Variants in RINT1 observed in about 807,000 individuals in gnomAD.
RINT1 encodes RAD50-interacting protein 1.
Under a neutral mutation model 97.7 loss-of-function variants are expected in RINT1, and 75 were observed. The observed-to-expected ratio is 0.77, with a 90% CI of 0.64 to 0.93. RINT1 has a LOEUF of 0.93. Ranked by LOEUF, RINT1 falls within the 40% of genes least tolerant of loss-of-function variation. RINT1 has a pLI of 0.00. For missense variants in RINT1, 892 were observed against 925.2 expected (o/e 0.96, Z 0.47); for synonymous variants, 303 against 326.3 (o/e 0.93, Z 0.77).
chr7:105,542,732 A>AT, intron 4 of RINT1, 83 bp downstream of exon 4: 1 of 1,321,420 alleles, frequency 7.6e-7, no homozygotes. Flanking sequence ...CCATTAAATA[A>AT]TTGAGTTAAT....
At chr7:105,543,201 T>A (rs944782541) in intron 4 of RINT1, among the ~76,000 whole-genome samples, 3 of 152,146 alleles carry the variant, frequency 2.0e-5, no homozygotes, top group Non-Finnish European at 4.4e-5. Context: ...AACTTTTAAG[T>A]CTTACAGTTG....
chr7:105,556,812 A>G (rs1435475261), intron 11 of RINT1, among the ~76,000 whole-genome samples: 4 of 152,088 alleles, frequency 2.6e-5, no homozygotes, highest in Non-Finnish European at 4.4e-5. Context: ...GGCTATCAGG[A>G]CTCTTTGGCA....
intron 4 of RINT1, among the ~76,000 whole-genome samples, chr7:105,546,482 G>A (rs571301131): frequency 6.6e-6 from 1 of 152,166 alleles, no homozygotes; most frequent in Non-Finnish European, 1.5e-5. Flanking sequence ...GGCTACCTCA[G>A]GGTGGTGCTT....
intron 3 of RINT1, among the ~76,000 whole-genome samples, chr7:105,538,702 G>A (rs1304040968): frequency 3.9e-5 from 6 of 152,030 alleles, no homozygotes; most frequent in Non-Finnish European, 8.8e-5. Flanking sequence ...TTCCCTAGCA[G>A]AAAAAAATAG....
chr7:105,542,797 A>G (rs1790513998), intron 4 of RINT1, 148 bp downstream of exon 4: 1 of 868,200 alleles, frequency 1.2e-6, no homozygotes, highest in South Asian at 2.9e-5. Flanking sequence ...CATTATGATA[A>G]TGATTCTTTT....
Position 105,548,637 on chromosome 7 carries a change from T to A in RINT1, c.923T>A (p.Val308Asp). 1 of 1,614,110 alleles carries A rather than the reference T, an allele frequency of 6.2e-7. No individual in the cohort carries two copies. The highest frequency in any genetic ancestry group is 1.6e-4 in the Middle Eastern group (1 of 6,062). Residue 308 changes from valine to aspartate, a missense_variant, in exon 7 of 15, where the codon GTT becomes GAT. Transcript: ENST00000257700. ...CCTTCTGTCATCCTGCCCATCCAGG[T>A]TATGCTGACTCCTCTTCAGAAGAGG... Reference protein sequence around the residue: ...ASPSVILPIQVMLTPLQKRFR... With the variant: ...ASPSVILPIQDMLTPLQKRFR...
chr7:105,562,065 C>A (rs1791462425), intron 11 of RINT1, among the ~76,000 whole-genome samples: 2 of 152,224 alleles, frequency 1.3e-5, no homozygotes, highest in African/African-American at 4.8e-5. Flanking sequence ...GTATATACTA[C>A]TAAAGCTATT....
chr7:105,559,132 C>T (rs946233469), intron 11 of RINT1, among the ~76,000 whole-genome samples: 3 of 152,020 alleles, frequency 2.0e-5, no homozygotes, highest in African/African-American at 7.3e-5. Context: ...TGGTGGCTCA[C>T]GCCTGTAATC....
chr7:105,557,651 A>G (rs943523320), intron 11 of RINT1, among the ~76,000 whole-genome samples: 2 of 152,178 alleles, frequency 1.3e-5, no homozygotes, highest in Non-Finnish European at 2.9e-5. Context: ...ACAAAAATTT[A>G]TGGTTACTTC....
chr7:105,555,923 A>G (rs886988354), intron 11 of RINT1, among the ~76,000 whole-genome samples: 2 of 152,188 alleles, frequency 1.3e-5, no homozygotes, highest in Non-Finnish European at 2.9e-5. Flanking sequence ...CCAGAAATTC[A>G]TGACCAGCTG....
chr7:105,541,169 T>A (rs562259057), intron 3 of RINT1, among the ~76,000 whole-genome samples: 1 of 148,876 alleles, frequency 6.7e-6, no homozygotes, highest in East Asian at 2.0e-4. Context: ...TGAGGAGTCT[T>A]GCTCTGTCAC....
chr7:105,546,158 C>A (rs989584398), intron 4 of RINT1, among the ~76,000 whole-genome samples: 5 of 152,166 alleles, frequency 3.3e-5, no homozygotes, highest in Non-Finnish European at 7.3e-5. Context: ...AGTGGGAAAT[C>A]AAGTTCAGCT....
chr7:105,552,215 A>G (rs1034538903), intron 10 of RINT1, among the ~76,000 whole-genome samples: 3 of 152,212 alleles, frequency 2.0e-5, no homozygotes, highest in African/African-American at 7.2e-5. Context: ...ATTGGTATAC[A>G]TGAAGGAAAA....
At chr7:105,565,687 A>G (rs771714444) in intron 14 of RINT1, 39 bp downstream of exon 14, 2 of 1,344,946 alleles carry the variant, frequency 1.5e-6, no homozygotes, top group Admixed American at 1.8e-5. Flanking sequence ...AATGTATCAA[A>G]TTGTTACAGG....
intron 9 of RINT1, 121 bp from the exon 10 acceptor site, chr7:105,551,449 G>A: frequency 2.6e-6 from 2 of 780,320 alleles, no homozygotes; most frequent in Non-Finnish European, 3.9e-6. Context: ...TACAACCAGT[G>A]GGATATTGTA....
rs775261161 is a variant in RINT1, at chr7:105,565,280, G to A, written c.1890G>A (p.Trp630Ter). 6.3e-7 allele frequency: 1 copy of A among 1,582,692 alleles called. No individual in the cohort carries two copies. The highest frequency in any genetic ancestry group is 1.8e-5 in the Admixed American group (1 of 54,282). Residue 630 changes from tryptophan (W) to a stop codon, truncating the protein, a stop_gained, in exon 13 of 15, where the codon TGG becomes TGA. Coordinates refer to ENST00000257700, the MANE Select transcript of RINT1 (RefSeq NM_021930.6). LOFTEE classifies it high-confidence loss of function. ...DAAKLYKKER[W>*]LSLPSQSEQA... ...GGTAAAAATGTGTTTTTTCCAGATG[G>A]TTGTCCTTGCCATCTCAGTCAGAGC...
Position 105,567,110 on chromosome 7 carries a change from C to G in RINT1, c.2187-9C>G, listed in dbSNP as rs1322110121. 6.6e-7 allele frequency: 1 copy of G among 1,512,384 alleles called. No homozygotes were observed. Among genetic ancestry groups the G allele is most frequent in the South Asian group, 1.4e-5 (1 of 73,410 alleles). The allele number at this position is 1,512,384 out of a possible 1,614,324, so 93.7% of individuals were successfully genotyped here. A position where few individuals can be genotyped will look rare whatever the true frequency, so the allele number is the denominator to read the frequency against. The stretch of plus-strand genomic sequence containing the variant: ...GATCTCATTTCCCTCCTTTGTTTTC[C>G]CTAAACAGTATAAAAGAAGCCTGTA... On this transcript the variant is annotated splice_polypyrimidine_tract_variant and intron_variant, in intron 14 of 14. Coordinates refer to ENST00000257700, the MANE Select transcript of RINT1 (RefSeq NM_021930.6).
intron 10 of RINT1, among the ~76,000 whole-genome samples, chr7:105,552,392 T>C (rs930466662): frequency 6.6e-6 from 1 of 152,152 alleles, no homozygotes; most frequent in African/African-American, 2.4e-5. Flanking sequence ...AGTAAAATAA[T>C]GAAGTAATTT....
chr7:105,543,585 A>G (rs764652799), intron 4 of RINT1, among the ~76,000 whole-genome samples: 5 of 152,166 alleles, frequency 3.3e-5, no homozygotes, highest in Non-Finnish European at 5.9e-5. Context: ...TGTTTTAACT[A>G]GTACTTGCTG....
Sources: gnomAD v4.1 joint callset for allele counts (sites outside exome capture counted in the v4.1 genomes callset) on GRCh38, gnomAD v4.1.1 for gene constraint, MANE v1.5 for transcripts, NCBI Gene and HGNC (gene_info 2026-07-23, HGNC 2026-07-21) for gene names.